The following EVL variants were observed in gnomAD, a reference collection of about 807,000 sequenced individuals.
EVL encodes the protein ena/VASP-like protein.
Under a neutral mutation model 59.6 loss-of-function variants are expected in EVL, and 21 were observed. The ratio of observed to expected loss-of-function variants is 0.35; its 90% CI spans 0.25 to 0.51. The LOEUF is 0.51. Among genes scored for constraint, EVL ranks in the 20% least tolerant of loss-of-function variants. The probability of loss-of-function intolerance (pLI) is 0.97; values close to 1 mark genes in which losing one functional copy is unlikely to be tolerated. For missense variants in EVL, 462 were observed against 546.6 expected (o/e 0.85, Z 1.54); for synonymous variants, 198 against 203.5 (o/e 0.97, Z 0.23).
At position 100,076,601 on chromosome 14, in the gene EVL, A is replaced by T. The variant is rs376184505; in HGVS notation, c.12-8086A>T. Among the ~76,000 whole-genome samples, 16 of 152,364 alleles carry T rather than the reference A, an allele frequency of 1.1e-4. No homozygotes were observed. In the East Asian group the frequency reaches 2.5e-3, roughly 24 times the overall value. ...CTGGGGCTTCAGGGAAGATTTTCTA[A>T]AAGAGGTAACAGATATTCCAAGTCT... On this transcript the variant is annotated intron_variant, in intron 1 of 13. Coordinates refer to ENST00000392920, the MANE Select transcript of EVL (RefSeq NM_016337.3).
chr14:100,112,572 T>C (rs1432154878), intron 3 of EVL, among the ~76,000 whole-genome samples: 1 of 152,132 alleles, frequency 6.6e-6, no homozygotes, highest in Non-Finnish European at 1.5e-5. Context: ...CTCTCCTCCT[T>C]CATCCCAGTT....
chr14:100,038,115 G>A (rs1021387531), intron 1 of EVL, among the ~76,000 whole-genome samples: 1 of 152,120 alleles, frequency 6.6e-6, no homozygotes, highest in Admixed American at 6.6e-5. Flanking sequence ...AATCATCCTG[G>A]GTAGGATACT....
Position 100,094,276 on chromosome 14 carries a change from G to T in EVL, c.181-3205G>T, listed in dbSNP as rs143795954. On this transcript the variant is annotated intron_variant, in intron 2 of 13. Coordinates refer to ENST00000392920, the MANE Select transcript of EVL (RefSeq NM_016337.3). ...TAGATAATCCCTAAGGTGCTATTTAGCCCCTTCAGTGGTTGTCTGCTGGCC... is the reference window on the plus strand; with the variant it reads ...TAGATAATCCCTAAGGTGCTATTTATCCCCTTCAGTGGTTGTCTGCTGGCC... Among the ~76,000 whole-genome samples the T allele has an allele frequency of 3.2e-3, 491 of 152,242 alleles. 7 individuals carry two copies. Among genetic ancestry groups the T allele is most frequent in the Non-Finnish European group, 4.9e-3 (330 of 68,030 alleles).
At chr14:100,142,990 C>A (rs1889283169) in intron 13 of EVL, among the ~76,000 whole-genome samples, 1 of 152,228 alleles carries the variant, frequency 6.6e-6, no homozygotes, top group African/African-American at 2.4e-5. Flanking sequence ...CATCCCCCAG[C>A]CCCCACAACC....
At chr14:100,024,810 C>T (rs1419401828) in intron 1 of EVL, among the ~76,000 whole-genome samples, 2 of 152,086 alleles carry the variant, frequency 1.3e-5, no homozygotes, top group South Asian at 2.1e-4. Flanking sequence ...ACATGTCTAA[C>T]ACGGTTCTCC....
intron 1 of EVL, among the ~76,000 whole-genome samples, chr14:100,003,162 A>G (rs1361439038): frequency 2.3e-4 from 35 of 152,148 alleles, no homozygotes; most frequent in Admixed American, 2.3e-3. Flanking sequence ...CTTCCACTAT[A>G]GTCCCTGGGC....
Position 100,114,758 on chromosome 14 carries a change from T to C in EVL, c.359-8781T>C, listed in dbSNP as rs1887223805. 6.6e-6 allele frequency among the ~76,000 whole-genome samples: 1 copy of C among 152,146 alleles called. No homozygotes were observed. Among genetic ancestry groups the C allele is most frequent in the Non-Finnish European group, 1.5e-5 (1 of 68,006 alleles). ...GGGAGCCCCTCTCTCTCCTCCCTGC[T>C]CCTCATGGGCCTCTCCTTTCACTCC... On this transcript the variant is annotated intron_variant, in intron 3 of 13. Transcript: ENST00000392920. This position sits in a 1 kb window ranked among gnomAD's most constrained non-coding sequence, Gnocchi z 5.0.
intron 3 of EVL, among the ~76,000 whole-genome samples, chr14:100,123,283 G>A (rs895255967): frequency 7.9e-5 from 12 of 152,212 alleles, no homozygotes; most frequent in African/African-American, 2.9e-4. Flanking sequence ...GTAACTGAAA[G>A]GGTTAATTTT....
At position 100,084,796 on chromosome 14, in the gene EVL, T is replaced by C. The variant is rs542041346; in HGVS notation, c.121T>C (p.Tyr41His). 1.9e-6 allele frequency: 3 copies of C among 1,614,156 alleles called. No individual in the cohort carries two copies. The highest frequency in any genetic ancestry group is 2.5e-6 in the Non-Finnish European group (3 of 1,180,020). Residue 41 changes from tyrosine (Y) to histidine (H), a missense_variant, in exon 2 of 14, where the codon TAC becomes CAC. By Grantham distance (83) the Tyr-to-His change is moderately conservative (BLOSUM62 2). Coordinates refer to ENST00000392920, the MANE Select transcript of EVL (RefSeq NM_016337.3). ...GCAGGGATTCAGCCGGATCAACATC[T>C]ACCACAACACTGCCAGCAACACCTT... is the stretch of plus-strand genomic sequence containing the variant. Reference protein sequence around the residue: ...GQQGFSRINIYHNTASNTFRV... With the variant: ...GQQGFSRINIHHNTASNTFRV...
intron 1 of EVL, among the ~76,000 whole-genome samples, chr14:100,042,351 G>A (rs920345261): frequency 6.6e-6 from 1 of 152,188 alleles, no homozygotes; most frequent in African/African-American, 2.4e-5. Flanking sequence ...TTACATTGTT[G>A]CATTTAGCAA....
chr14:100,118,642 T>A (rs1050456513), intron 3 of EVL, among the ~76,000 whole-genome samples: 2 of 152,002 alleles, frequency 1.3e-5, no homozygotes, highest in Non-Finnish European at 2.9e-5. Context: ...CTGGCCCCAC[T>A]CCCCATCAGT....
At chr14:99,995,038 A>C (rs117170525) in intron 1 of EVL, among the ~76,000 whole-genome samples, 3,279 of 152,266 alleles carry the variant, frequency 0.022, 61 homozygotes, top group Admixed American at 0.055. Context: ...GAGCTTCCTT[A>C]TACATGAAGA....
At chr14:100,123,977 C>CA (rs1204979087) in intron 4 of EVL, among the ~76,000 whole-genome samples, 1 of 152,200 alleles carries the variant, frequency 6.6e-6, no homozygotes, top group African/African-American at 2.4e-5. Context: ...TTGGGGCAGT[C>CA]ACGCCCATGG....
At chr14:100,055,269 T>TA (rs984557551) in intron 1 of EVL, among the ~76,000 whole-genome samples, 7 of 152,080 alleles carry the variant, frequency 4.6e-5, no homozygotes, top group African/African-American at 1.7e-4. Flanking sequence ...AATGTAATCA[T>TA]ATAATATGTG....
At chr14:100,110,754 T>C (rs1025105520) in intron 3 of EVL, among the ~76,000 whole-genome samples, 16 of 152,236 alleles carry the variant, frequency 1.1e-4, no homozygotes, top group African/African-American at 3.9e-4. Context: ...TGCTGGCTTA[T>C]TGCAGTTTAC....
intron 13 of EVL, 100 bp from the exon 14 acceptor site, chr14:100,143,601 C>A: frequency 7.0e-7 from 1 of 1,426,950 alleles, no homozygotes; most frequent in Non-Finnish European, 9.7e-7. Flanking sequence ...GGAACAGGGA[C>A]ACATACCAGG....
intron 1 of EVL, among the ~76,000 whole-genome samples, chr14:99,994,636 TTTTATC>T (rs1488989058): frequency 2.6e-5 from 4 of 152,288 alleles, no homozygotes; most frequent in South Asian, 4.1e-4. Flanking sequence ...TATAGTTACT[TTTTATC>T]TTTTGTTTTT....
intron 1 of EVL, among the ~76,000 whole-genome samples, chr14:99,980,234 T>C (rs189691948): frequency 2.0e-5 from 3 of 152,314 alleles, no homozygotes; most frequent in African/African-American, 7.2e-5. Flanking sequence ...TTAAATTATA[T>C]TTTTCTCAAA....
At chr14:100,001,890 G>A (rs554003440) in intron 1 of EVL, among the ~76,000 whole-genome samples, 3 of 152,078 alleles carry the variant, frequency 2.0e-5, no homozygotes, top group Admixed American at 6.6e-5. Context: ...AACCAGTTTC[G>A]CCTGTTACAA....
Sources: allele counts gnomAD v4.1 joint callset (sites outside exome capture counted in the v4.1 genomes callset), GRCh38; gene constraint gnomAD v4.1.1; non-coding constraint Gnocchi (gnomAD v3.1); transcripts MANE v1.5; gene names NCBI Gene and HGNC (gene_info 2026-07-23, HGNC 2026-07-21).